The following GFPT1 variants were observed in gnomAD, a reference collection of about 807,000 sequenced individuals.
GFPT1 encodes the protein glutamine--fructose-6-phosphate transaminase 1, also known as glutamine--fructose-6-phosphate aminotransferase [isomerizing] 1.
GFPT1 carries 40 observed loss-of-function variants against 92.0 expected under a neutral mutation model. The ratio of observed to expected loss-of-function variants is 0.43; its 90% confidence interval spans 0.34 to 0.57. The LOEUF is 0.57. Ranked by LOEUF, GFPT1 falls within the 20% of genes least tolerant of loss-of-function variation. GFPT1 has a pLI of 0.02. For missense variants in GFPT1, 448 were observed against 869.1 expected (o/e 0.52, Z 6.09); for synonymous variants, 269 against 280.6 (o/e 0.96, Z 0.41).
intron 13 of GFPT1, among the ~76,000 whole-genome samples, chr2:69,341,017 C>T (rs1195513137): frequency 2.6e-5 from 4 of 151,228 alleles, no homozygotes; most frequent in Admixed American, 1.3e-4. Context: ...TGGAGTTCAG[C>T]GGTGCAATCT....
At chr2:69,386,713 G>A (rs1161692635) in intron 1 of GFPT1, among the ~76,000 whole-genome samples, 1 of 152,156 alleles carries the variant, frequency 6.6e-6, no homozygotes, top group African/African-American at 2.4e-5. Flanking sequence ...CACCTGGTGG[G>A]CCCTTTTGAA....
Position 69,354,700 on chromosome 2 carries a change from T to C in GFPT1, c.606-132A>G, listed in dbSNP as rs1278709552. 8 of 685,918 alleles carry C rather than the reference T, an allele frequency of 1.2e-5. 1 individual carries two copies. The East Asian group carries it at 2.2e-4, about 19-fold the overall frequency. 42.5% of individuals were successfully genotyped at this position (685,918 alleles called of 1,614,324 possible). A position where few individuals can be genotyped will look rare whatever the true frequency, so the allele number is the denominator to read the frequency against. ...CAAGCTCAACTTCAGATATAAGAAC[T>C]AGATAAAAAGAATTTTTTAAAAAAA... On this transcript the variant is annotated intron_variant, in intron 7 of 19. Coordinates refer to ENST00000357308, the MANE Select transcript of GFPT1 (RefSeq NM_001244710.2).
At chr2:69,385,535 TATTTA>T (rs1401231607) in intron 1 of GFPT1, among the ~76,000 whole-genome samples, 1 of 83,342 alleles carries the variant, frequency 1.2e-5, no homozygotes, top group Non-Finnish European at 2.2e-5. Context: ...CTGATTTATT[TATTTA>T]TTTATTTTTT....
intron 13 of GFPT1, among the ~76,000 whole-genome samples, chr2:69,340,410 A>C (rs1670920763): frequency 6.6e-6 from 1 of 152,142 alleles, no homozygotes. Context: ...ACTGAATGCC[A>C]CTACAAAACC....
In GFPT1 at chr2:69,387,042, C is replaced by T. The variant is rs760389786; in HGVS notation, c.7+23G>A. 11 of 1,517,094 alleles carry T rather than the reference C, an allele frequency of 7.3e-6. No individual in the cohort carries two copies. The African/African-American group carries it at 1.3e-4, about 17-fold the overall frequency. The allele number at this position is 1,517,094 out of a possible 1,614,324, so 94.0% of individuals were successfully genotyped here. A position where few individuals can be genotyped will look rare whatever the true frequency, so the allele number is the denominator to read the frequency against. The stretch of plus-strand genomic sequence containing the variant: ...CACCCCAGCGCCACCCGGCAACACG[C>T]CCCCCGCTCCCGGCCCCCTTACCAC... On this transcript the variant is annotated intron_variant, in intron 1 of 19. Transcript: ENST00000357308.
At chr2:69,363,150 G>A (rs911166561) in intron 4 of GFPT1, among the ~76,000 whole-genome samples, 1 of 152,146 alleles carries the variant, frequency 6.6e-6, no homozygotes, top group East Asian at 1.9e-4. Flanking sequence ...AGGTTGGAGG[G>A]CAATGGCATG....
At chr2:69,371,694 G>A (rs12713677) in intron 2 of GFPT1, among the ~76,000 whole-genome samples, 97,651 of 149,542 alleles carry the variant, frequency 0.65, 33,009 homozygotes, top group African/African-American at 0.85. Context: ...AAAATTAGCC[G>A]GGCGTGGTGG....
chr2:69,359,634 G>T (rs1423862242), intron 4 of GFPT1, among the ~76,000 whole-genome samples: 4 of 152,200 alleles, frequency 2.6e-5, no homozygotes, highest in Non-Finnish European at 4.4e-5. Flanking sequence ...TGTTACCCAT[G>T]TGAAAGGAGC....
At position 69,338,016 on chromosome 2, in the gene GFPT1, T is replaced by C. The variant is rs1670842362; in HGVS notation, c.1364A>G (p.Lys455Arg). 1.2e-6 allele frequency: 2 copies of C among 1,613,998 alleles called. No homozygotes were observed. The highest frequency in any genetic ancestry group is 1.7e-5 in the Admixed American group (1 of 60,006). Residue 455 changes from lysine to arginine, a missense_variant, in exon 15 of 20, where the codon AAG (lysine) becomes AGG (arginine). Physicochemically the swap from Lys to Arg is conservative, Grantham distance 26. This residue lies in a region of GFPT1 where 121 missense variants were observed against 304.3 expected (regional missense o/e 0.40). Transcript: ENST00000357308. ...ADTLMGLRYC[K>R]ERGALTVGIT... is the part of the protein sequence containing the mutation. ...CCCCACAGTTAAAGCTCCTCTCTCC[T>C]TACAGTAACGAAGACCCATCAAAGT...
intron 3 of GFPT1, among the ~76,000 whole-genome samples, chr2:69,367,951 A>C (rs1210897521): frequency 6.6e-6 from 1 of 152,200 alleles, no homozygotes; most frequent in African/African-American, 2.4e-5. Flanking sequence ...TTGCAGGGTA[A>C]GATTAGCTAG....
At chr2:69,327,385 G>A (rs1185333894) in intron 18 of GFPT1, among the ~76,000 whole-genome samples, 1 of 151,852 alleles carries the variant, frequency 6.6e-6, no homozygotes, top group Admixed American at 6.6e-5. Flanking sequence ...AATATCTTTT[G>A]GAATTTATAT....
intron 13 of GFPT1, 28 bp downstream of exon 13, chr2:69,342,124 C>T: frequency 1.6e-6 from 2 of 1,216,058 alleles, no homozygotes; most frequent in South Asian, 1.2e-5. Flanking sequence ...TAATATTCAA[C>T]ATAATTAAAA....
At position 69,322,407 on chromosome 2, in the gene GFPT1, A is replaced by C. The variant is rs547704554; in HGVS notation, c.*3782T>G. ...AATTTTTTTAAAAGGGGAAAAAAAA[A>C]CCCAGAGAACTTATTAAAATGTTTG... On this transcript the variant is annotated 3_prime_UTR_variant, in exon 20 of 20. Coordinates refer to ENST00000357308, the MANE Select transcript of GFPT1 (RefSeq NM_001244710.2). 5.3e-5 allele frequency: 8 copies of C among 152,294 alleles called. No individual in the cohort carries two copies. In the South Asian group the frequency reaches 6.2e-4, roughly 12 times the overall value. The allele number at this position is 152,294 out of a possible 1,614,324, so 9.4% of individuals were successfully genotyped here.
At chr2:69,335,901 C>T (rs1336798145) in intron 15 of GFPT1, among the ~76,000 whole-genome samples, 3 of 151,746 alleles carry the variant, frequency 2.0e-5, no homozygotes, top group Non-Finnish European at 4.4e-5. Flanking sequence ...TGGCCTGTAC[C>T]TGTAGTCCCA....
chr2:69,354,874 C>G (rs987426297), intron 7 of GFPT1, among the ~76,000 whole-genome samples: 2 of 152,122 alleles, frequency 1.3e-5, no homozygotes, highest in Non-Finnish European at 2.9e-5. Context: ...TGTGATGGCA[C>G]GTGCCTACAG....
intron 13 of GFPT1, among the ~76,000 whole-genome samples, chr2:69,340,477 T>C (rs1225753465): frequency 1.3e-5 from 2 of 152,228 alleles, no homozygotes; most frequent in Non-Finnish European, 2.9e-5. Context: ...AAATCATTTA[T>C]GCCTAGTGTT....
At chr2:69,369,231 G>A (rs544659922) in intron 3 of GFPT1, among the ~76,000 whole-genome samples, 5 of 151,652 alleles carry the variant, frequency 3.3e-5, no homozygotes, top group Admixed American at 2.6e-4. Flanking sequence ...AGAGCTAAAC[G>A]TATGGCTTAT....
intron 4 of GFPT1, among the ~76,000 whole-genome samples, chr2:69,361,991 A>G (rs957441327): frequency 2.6e-5 from 4 of 151,994 alleles, no homozygotes; most frequent in Admixed American, 2.0e-4. Context: ...AAATAAAAGG[A>G]AAAAAAATGG....
At chr2:69,371,701 G>C (rs940827392) in intron 2 of GFPT1, among the ~76,000 whole-genome samples, 1 of 149,502 alleles carries the variant, frequency 6.7e-6, no homozygotes, top group Non-Finnish European at 1.5e-5. Flanking sequence ...GCCGGGCGTG[G>C]TGGCGGGTGC....
Sources: allele counts gnomAD v4.1 joint callset (sites outside exome capture counted in the v4.1 genomes callset), GRCh38; gene constraint gnomAD v4.1.1; regional missense constraint gnomAD v4.1.1; transcripts MANE v1.5; gene names NCBI Gene and HGNC (gene_info 2026-07-23, HGNC 2026-07-21).